Variants in PIK3AP1 observed in about 807,000 individuals in gnomAD.
PIK3AP1 encodes the protein phosphoinositide-3-kinase adaptor protein 1.
A neutral mutation model predicts 88.1 loss-of-function variants in PIK3AP1; 21 were observed. That is an observed-to-expected ratio of 0.24 (90% CI 0.17 to 0.34). The LOEUF (loss-of-function observed/expected upper bound fraction) is 0.34, where lower values mean the gene tolerates loss of function less well. PIK3AP1 is among the 10% of genes least tolerant of loss of function. The pLI, the probability that PIK3AP1 is intolerant of heterozygous loss-of-function variation, is 1.00. For missense variants in PIK3AP1, 828 were observed against 1,035.7 expected (o/e 0.80, Z 2.75); for synonymous variants, 398 against 400.0 (o/e 1.00, Z 0.06).
intron 1 of PIK3AP1, among the ~76,000 whole-genome samples, chr10:96,714,208 G>A (rs1390820215): frequency 6.6e-6 from 1 of 151,538 alleles, no homozygotes; most frequent in East Asian, 1.9e-4. Context: ...ATCAAGGAAA[G>A]TTTAAATCGT....
chr10:96,660,876 T>C (rs1843676543), intron 2 of PIK3AP1, among the ~76,000 whole-genome samples: 1 of 152,050 alleles, frequency 6.6e-6, no homozygotes, highest in South Asian at 2.1e-4. Context: ...CCTGAATGCA[T>C]ATTACTAAGT....
chr10:96,677,622 C>CACAT (rs1843942400), intron 2 of PIK3AP1, among the ~76,000 whole-genome samples: 1 of 149,256 alleles, frequency 6.7e-6, no homozygotes, highest in East Asian at 1.9e-4. Context: ...CACACACACA[C>CACAT]ACACAAAAGG....
chr10:96,702,466 T>A (rs1472885678), intron 2 of PIK3AP1, among the ~76,000 whole-genome samples: 7 of 146,238 alleles, frequency 4.8e-5, no homozygotes, highest in Admixed American at 2.1e-4. Flanking sequence ...GCCACTGCAC[T>A]CCAGCCTGAT....
intron 2 of PIK3AP1, among the ~76,000 whole-genome samples, chr10:96,688,807 G>A (rs648405): frequency 0.57 from 84,087 of 146,268 alleles, 25,817 homozygotes; most frequent in African/African-American, 0.83. Flanking sequence ...TCAAAAAAAA[G>A]AAAGAAAGAA....
chr10:96,613,021 C>T (rs1311003519), intron 13 of PIK3AP1, among the ~76,000 whole-genome samples: 3 of 98,384 alleles, frequency 3.0e-5, no homozygotes, highest in South Asian at 3.4e-4. Flanking sequence ...TTTTTTGAGA[C>T]AGAGTCTCGC....
At position 96,709,797 on chromosome 10, in the gene PIK3AP1, A is replaced by G. The variant is rs752449614; in HGVS notation, c.200T>C (p.Val67Ala). The part of the protein sequence containing the change: ...DLSLFLSTRC[V>A]VVLLSAELVQ... ...CAGCTCCGCGGACAGCAGCACCACG[A>G]CACAGCGGGTGCTGAGGAAAAGGCT... The change falls in exon 2 of 17, where the codon GTC becomes GCC. Residue 67 changes from valine (V) to alanine (A), a missense_variant. Coordinates refer to ENST00000339364, the MANE Select transcript of PIK3AP1 (RefSeq NM_152309.3). 6.2e-7 allele frequency: 1 copy of G among 1,613,494 alleles called. No homozygotes were observed. Among genetic ancestry groups the G allele is most frequent in the African/African-American group, 1.3e-5 (1 of 74,936 alleles).
At position 96,656,864 on chromosome 10, in the gene PIK3AP1, C is replaced by G; in HGVS notation, c.501G>C (p.Gln167His). Reference protein sequence around the residue: ...DEKVVSYSKQQNLPTVTSPGN... With the variant: ...DEKVVSYSKQHNLPTVTSPGN... The stretch of plus-strand genomic sequence containing the variant: ...CAGGTGAAGTCACCGTCGGCAGGTT[C>G]TGCTGCTTCGAGTAGGAAACAACCT... The change falls in exon 3 of 17, where the codon CAG becomes CAC. Residue 167 changes from glutamine (Q) to histidine (H), a missense_variant. Gln to His is a conservative substitution (Grantham distance 24). Coordinates refer to ENST00000339364, the MANE Select transcript of PIK3AP1 (RefSeq NM_152309.3). 6.2e-7 allele frequency: 1 copy of G among 1,614,154 alleles called. No homozygotes were observed. Among genetic ancestry groups the G allele is most frequent in the African/African-American group, 1.3e-5 (1 of 75,032 alleles).
chr10:96,697,440 A>G (rs1844236013), intron 2 of PIK3AP1, among the ~76,000 whole-genome samples: 1 of 152,172 alleles, frequency 6.6e-6, no homozygotes, highest in Non-Finnish European at 1.5e-5. Context: ...TAAAAGTAAA[A>G]CAGGCTGGGT....
intron 2 of PIK3AP1, among the ~76,000 whole-genome samples, chr10:96,657,622 A>C (rs1168823863): frequency 4.0e-5 from 6 of 151,824 alleles, no homozygotes; most frequent in Admixed American, 1.3e-4. Flanking sequence ...AGAATCTGTT[A>C]ATTGATAGAC....
rs1843057941 is a variant in PIK3AP1 at position 96,620,287 on chromosome 10, C to T, written c.1941+65G>A. 5 of 1,535,268 alleles carry T rather than the reference C, an allele frequency of 3.3e-6. No homozygotes were observed. The Admixed American group carries it at 8.4e-5, about 26-fold the overall frequency. On this transcript the variant is annotated intron_variant, in intron 12 of 16. Coordinates refer to ENST00000339364, the MANE Select transcript of PIK3AP1 (RefSeq NM_152309.3). ...CAGCAATACACAAGACAGCCATGGCCCAGCCCTCCTCTACTGTCAAGTGGG... is the reference window on the plus strand; with the variant it reads ...CAGCAATACACAAGACAGCCATGGCTCAGCCCTCCTCTACTGTCAAGTGGG...
intron 14 of PIK3AP1, among the ~76,000 whole-genome samples, chr10:96,607,836 G>A (rs12247652): frequency 0.12 from 17,807 of 152,170 alleles, 1,134 homozygotes; most frequent in Non-Finnish European, 0.14. Flanking sequence ...ATGAACCACC[G>A]TCCCCCACTG....
intron 2 of PIK3AP1, among the ~76,000 whole-genome samples, chr10:96,672,229 C>T (rs1265167397): frequency 1.3e-5 from 2 of 152,172 alleles, no homozygotes; most frequent in African/African-American, 4.8e-5. Context: ...ATCGTTTTGC[C>T]ATCCCAGTGT....
chr10:96,697,539 A>G (rs1038031684), intron 2 of PIK3AP1, among the ~76,000 whole-genome samples: 7 of 152,318 alleles, frequency 4.6e-5, no homozygotes, highest in African/African-American at 1.7e-4. Context: ...CCTGGGCAAC[A>G]TAGTGAGATC....
intron 2 of PIK3AP1, among the ~76,000 whole-genome samples, chr10:96,705,372 C>T (rs1356616825): frequency 1.3e-5 from 2 of 152,120 alleles, no homozygotes; most frequent in South Asian, 2.1e-4. Flanking sequence ...CTTTACAGCA[C>T]GTCTGCAGTA....
At chr10:96,700,833 G>A (rs1168101739) in intron 2 of PIK3AP1, 6 of 985,468 alleles carry the variant, frequency 6.1e-6, no homozygotes, top group African/African-American at 5.2e-5. Flanking sequence ...CGAGCAGAGC[G>A]CAGCAACTTC....
At chr10:96,653,479 CTTTTT>C (rs748930022) in intron 3 of PIK3AP1, among the ~76,000 whole-genome samples, 6 of 61,806 alleles carry the variant, frequency 9.7e-5, no homozygotes, top group African/African-American at 2.4e-4. Context: ...ACTTTATACA[CTTTTT>C]TTTTTTTTTT....
At chr10:96,610,016 C>A in intron 13 of PIK3AP1, 149 bp from the exon 14 acceptor site, 1 of 975,942 alleles carries the variant, frequency 1.0e-6, no homozygotes, top group Non-Finnish European at 1.5e-6. Context: ...GAGGGAGGGG[C>A]CCTGGGTTGG....
intron 8 of PIK3AP1, among the ~76,000 whole-genome samples, chr10:96,629,942 G>GAAAAAA (rs1843222612): frequency 1.6e-5 from 1 of 62,428 alleles, no homozygotes; most frequent in Non-Finnish European, 3.6e-5. Flanking sequence ...AGAAGAAGAA[G>GAAAAAA]AAGAAGAAGA....
rs146441579 is a variant in PIK3AP1, at chr10:96,699,642, G to C, written c.430+9925C>G. Among the ~76,000 whole-genome samples, 382 of 152,146 alleles carry C rather than the reference G, an allele frequency of 2.5e-3. 1 individual carries two copies. Among genetic ancestry groups the C allele is most frequent in the African/African-American group, 8.8e-3 (367 of 41,514 alleles). On this transcript the variant is annotated intron_variant, in intron 2 of 16. Coordinates refer to ENST00000339364, the MANE Select transcript of PIK3AP1 (RefSeq NM_152309.3). Reference sequence around the variant, plus strand: ...ACAGGGCCTTGAGAATATAATAGATGCTCCATAAATAACCATCAGATGAAC... The same window carrying C: ...ACAGGGCCTTGAGAATATAATAGATCCTCCATAAATAACCATCAGATGAAC...
Sources: gnomAD v4.1 joint callset for allele counts (sites outside exome capture counted in the v4.1 genomes callset) on GRCh38, gnomAD v4.1.1 for gene constraint, MANE v1.5 for transcripts, NCBI Gene and HGNC (gene_info 2026-07-23, HGNC 2026-07-21) for gene names.